IMMP2L: variants seen among roughly 807,000 people sequenced by gnomAD.
IMMP2L encodes inner mitochondrial membrane peptidase subunit 2, also known as mitochondrial inner membrane protease subunit 2.
Under a neutral mutation model 19.3 loss-of-function variants are expected in IMMP2L, and 18 were observed. The ratio of observed to expected loss-of-function variants is 0.93; its 90% CI spans 0.64 to 1.38. The LOEUF is 1.38. IMMP2L is among the 40% of genes most tolerant of loss of function. The pLI is 0.00. For missense variants in IMMP2L, 233 were observed against 218.2 expected (o/e 1.07, Z -0.43); for synonymous variants, 76 against 73.0 (o/e 1.04, Z -0.21).
chr7:111,308,437 A>G (rs773010287), intron 3 of IMMP2L, among the ~76,000 whole-genome samples: 3 of 151,998 alleles, frequency 2.0e-5, no homozygotes, highest in Non-Finnish European at 2.9e-5. Context: ...TGAAAAAACA[A>G]GCAGTTACAA....
intron 3 of IMMP2L, among the ~76,000 whole-genome samples, chr7:111,173,454 A>G (rs1023670522): frequency 1.3e-5 from 2 of 151,756 alleles, no homozygotes; most frequent in Admixed American, 1.3e-4. Flanking sequence ...CTTTCTAAAG[A>G]TGCTGAGAAC....
chr7:110,968,531 G>A (rs1159672039), intron 3 of IMMP2L, among the ~76,000 whole-genome samples: 1 of 152,046 alleles, frequency 6.6e-6, no homozygotes, highest in Non-Finnish European at 1.5e-5. Flanking sequence ...AAATTAGCCA[G>A]GCATGCTGAC....
At chr7:111,110,636 A>C (rs1198175839) in intron 3 of IMMP2L, among the ~76,000 whole-genome samples, 1 of 152,232 alleles carries the variant, frequency 6.6e-6, no homozygotes, top group Non-Finnish European at 1.5e-5. Context: ...CAAACATATA[A>C]GTATAGAATA....
intron 3 of IMMP2L, among the ~76,000 whole-genome samples, chr7:111,451,936 A>T (rs1222552437): frequency 1.3e-5 from 2 of 152,120 alleles, no homozygotes; most frequent in Non-Finnish European, 2.9e-5. Context: ...GGTCATAGGG[A>T]ATAAAAAATT....
chr7:110,739,698 C>T (rs777924132), intron 5 of IMMP2L, among the ~76,000 whole-genome samples: 9 of 152,064 alleles, frequency 5.9e-5, no homozygotes, highest in Non-Finnish European at 1.3e-4. Context: ...AAACTATTCC[C>T]TACGAAAAAT....
At chr7:111,442,725 C>T (rs1431878018) in intron 3 of IMMP2L, among the ~76,000 whole-genome samples, 4 of 151,824 alleles carry the variant, frequency 2.6e-5, no homozygotes, top group Non-Finnish European at 5.9e-5. Flanking sequence ...GCACATGATA[C>T]TATAATGTTA....
chr7:111,153,810 A>G (rs1181618787), intron 3 of IMMP2L, among the ~76,000 whole-genome samples: 3 of 152,088 alleles, frequency 2.0e-5, no homozygotes, highest in Admixed American at 2.0e-4. Flanking sequence ...TTTTCATTCA[A>G]TGACTGCTCA....
chr7:111,236,637 T>C lies in IMMP2L; in HGVS notation c.239+250601A>G, dbSNP rs1382556923. Among the ~76,000 whole-genome samples, 5 of 152,130 alleles carry C rather than the reference T, an allele frequency of 3.3e-5. No individual in the cohort carries two copies. The South Asian group carries it at 6.2e-4, about 19-fold the overall frequency. On this transcript the variant is annotated intron_variant, in intron 3 of 5. Transcript: ENST00000405709. ...TACGAGGACCTTCTGCATATCTATATAGTTTTCTCTCTGTGCATCTTCTCT... is the reference window on the plus strand; with the variant it reads ...TACGAGGACCTTCTGCATATCTATACAGTTTTCTCTCTGTGCATCTTCTCT...
At chr7:111,426,354 T>C (rs1489177751) in intron 3 of IMMP2L, among the ~76,000 whole-genome samples, 1 of 150,182 alleles carries the variant, frequency 6.7e-6, no homozygotes, top group Non-Finnish European at 1.5e-5. Flanking sequence ...AACATGTATT[T>C]CATTTATAAT....
At chr7:110,771,745 T>C (rs1251091348) in intron 5 of IMMP2L, among the ~76,000 whole-genome samples, 1 of 152,140 alleles carries the variant, frequency 6.6e-6, no homozygotes, top group Non-Finnish European at 1.5e-5. Flanking sequence ...TAACACAGAA[T>C]ATATGCCAGC....
intron 5 of IMMP2L, among the ~76,000 whole-genome samples, chr7:110,701,843 G>T (rs1794310425): frequency 6.6e-6 from 1 of 152,160 alleles, no homozygotes; most frequent in South Asian, 2.1e-4. Context: ...TCTAACACCA[G>T]ATTTCCTATC....
At chr7:111,324,786 A>C (rs1347535391) in intron 3 of IMMP2L, among the ~76,000 whole-genome samples, 2 of 151,936 alleles carry the variant, frequency 1.3e-5, no homozygotes, top group Non-Finnish European at 2.9e-5. Context: ...TTTTTAAAAA[A>C]CAATAAAAGG....
intron 3 of IMMP2L, among the ~76,000 whole-genome samples, chr7:111,118,687 T>C (rs1800193474): frequency 1.3e-5 from 2 of 152,250 alleles, no homozygotes; most frequent in Non-Finnish European, 1.5e-5. Flanking sequence ...TACTTACTTA[T>C]TATCCTGCAA....
intron 3 of IMMP2L, among the ~76,000 whole-genome samples, chr7:111,398,871 T>C (rs1584949602): frequency 6.9e-6 from 1 of 145,700 alleles, no homozygotes; most frequent in East Asian, 2.0e-4. Context: ...CAACCCCTTT[T>C]ACAATAGCTG....
intron 3 of IMMP2L, among the ~76,000 whole-genome samples, chr7:111,239,974 A>C (rs574935542): frequency 6.6e-6 from 1 of 152,064 alleles, no homozygotes; most frequent in East Asian, 1.9e-4. Flanking sequence ...GTCCCTAAGG[A>C]ATAAGGTAGA....
At chr7:111,200,786 G>C (rs1331850904) in intron 3 of IMMP2L, among the ~76,000 whole-genome samples, 1 of 152,110 alleles carries the variant, frequency 6.6e-6, no homozygotes, top group African/African-American at 2.4e-5. Context: ...CCTAGAACTT[G>C]AGGAATAAAA....
chr7:110,736,224 C>T (rs1280286820), intron 5 of IMMP2L, among the ~76,000 whole-genome samples: 2 of 152,314 alleles, frequency 1.3e-5, no homozygotes, highest in Admixed American at 6.5e-5. Flanking sequence ...ACCCCAAAAG[C>T]CTCAGGGTCC....
At chr7:110,958,061 G>A (rs1818547073) in intron 4 of IMMP2L, among the ~76,000 whole-genome samples, 1 of 149,036 alleles carries the variant, frequency 6.7e-6, no homozygotes, top group Non-Finnish European at 1.5e-5. Flanking sequence ...AGGTCTACAC[G>A]GTCAGTGAAC....
chr7:111,216,299 T>G (rs1468396470), intron 3 of IMMP2L, among the ~76,000 whole-genome samples: 1 of 152,172 alleles, frequency 6.6e-6, no homozygotes, highest in Non-Finnish European at 1.5e-5. Context: ...AAGGATTAAC[T>G]ATATCAGTAT....
Sources: allele counts gnomAD v4.1 joint callset (sites outside exome capture counted in the v4.1 genomes callset), GRCh38; gene constraint gnomAD v4.1.1; transcripts MANE v1.5; gene names NCBI Gene and HGNC (gene_info 2026-07-23, HGNC 2026-07-21).